The following DNA2 variants were observed in gnomAD, a reference collection of about 807,000 sequenced individuals.
DNA2 encodes the protein DNA replication ATP-dependent helicase/nuclease DNA2.
In DNA2, 101 loss-of-function variants were observed where a neutral mutation model predicts 119.1. That is an observed-to-expected ratio of 0.85 (90% CI 0.72 to 1.00). The LOEUF is 1.00. DNA2 is among the 50% of genes least tolerant of loss of function. The probability of loss-of-function intolerance (pLI) is 0.00; values close to 1 mark genes in which losing one functional copy is unlikely to be tolerated. For missense variants in DNA2, 1,121 were observed against 1,255.5 expected, an observed-to-expected ratio of 0.89 and a Z score of 1.62; for synonymous variants, 366 against 424.4, an observed-to-expected ratio of 0.86 and a Z score of 1.69.
chr10:68,456,293 GTAGTTA>G (rs1022922449), intron 5 of DNA2, among the ~76,000 whole-genome samples: 4 of 152,174 alleles, frequency 2.6e-5, no homozygotes, highest in African/African-American at 9.6e-5. Flanking sequence ...GGAGCCTGCT[GTAGTTA>G]TACAGCTAAA....
intron 4 of DNA2, among the ~76,000 whole-genome samples, chr10:68,464,375 T>A (rs1350342181): frequency 6.6e-6 from 1 of 151,120 alleles, no homozygotes; most frequent in Non-Finnish European, 1.5e-5. Context: ...ATTAGCCGGG[T>A]GTGGTGGCTC....
chr10:68,468,643 T>C (rs759010800), intron 2 of DNA2, among the ~76,000 whole-genome samples: 2 of 152,166 alleles, frequency 1.3e-5, no homozygotes, highest in Non-Finnish European at 2.9e-5. Flanking sequence ...CAATTATGAA[T>C]TGGGTTGTTT....
rs2052037339 is a variant in DNA2, at chr10:68,446,220, G to A, written c.1057+76C>T. 3.7e-5 allele frequency: 28 copies of A among 750,842 alleles called. No homozygotes were observed. The South Asian group carries it at 4.5e-4, about 12-fold the overall frequency. The allele number at this position is 750,842 out of a possible 1,614,324, so 46.5% of individuals were successfully genotyped here. On this transcript the variant is annotated intron_variant, in intron 7 of 20. Coordinates refer to ENST00000358410, the MANE Select transcript of DNA2 (RefSeq NM_001080449.3). ...ATTAAGTGCTGTGAGTAGATTGTCA[G>A]GTATAAATATGTATCACTAGAAGCT...
Position 68,422,906 on chromosome 10 carries a change from A to G in DNA2, c.2209-16T>C, listed in dbSNP as rs2051685466. 1 of 1,519,592 alleles carries G rather than the reference A, an allele frequency of 6.6e-7. No homozygotes were observed. The highest frequency in any genetic ancestry group is 2.3e-5 in the East Asian group (1 of 44,050). The allele number at this position is 1,519,592 out of a possible 1,614,324, so 94.1% of individuals were successfully genotyped here. A position where few individuals can be genotyped will look rare whatever the true frequency, so the allele number is the denominator to read the frequency against. Reference sequence around the variant, plus strand: ...CAACTATAAGCTAAAAACAAGGAAAACAGATCAGTTATTTAACATGTAAAA... The same window carrying G: ...CAACTATAAGCTAAAAACAAGGAAAGCAGATCAGTTATTTAACATGTAAAA... On this transcript the variant is annotated splice_polypyrimidine_tract_variant and intron_variant, in intron 14 of 20. Coordinates refer to ENST00000358410, the MANE Select transcript of DNA2 (RefSeq NM_001080449.3).
At chr10:68,458,721 G>A (rs886484825) in intron 5 of DNA2, among the ~76,000 whole-genome samples, 3 of 151,726 alleles carry the variant, frequency 2.0e-5, no homozygotes, top group Non-Finnish European at 4.4e-5. Flanking sequence ...GGTGGCAGGC[G>A]CCTGTAATCC....
At chr10:68,437,965 G>T (rs112942398) in intron 9 of DNA2, among the ~76,000 whole-genome samples, 24,154 of 151,980 alleles carry the variant, frequency 0.16, 2,373 homozygotes, top group East Asian at 0.38. Context: ...ACTGGCCTCA[G>T]CCTCCCAAAG....
chr10:68,417,391 C>CA (rs35777569), intron 19 of DNA2, among the ~76,000 whole-genome samples: 24,611 of 77,582 alleles, frequency 0.32, 4,132 homozygotes, highest in East Asian at 0.47. Flanking sequence ...ATAAGAAAAC[C>CA]AAAAAAAAAA....
At chr10:68,461,566 T>G (rs898418529) in intron 4 of DNA2, 1 of 152,128 alleles carries the variant, frequency 6.6e-6, no homozygotes, top group South Asian at 2.1e-4. Flanking sequence ...CTGTGGCTCA[T>G]GCCTGTAATC....
At position 68,448,082 on chromosome 10, in the gene DNA2, C is replaced by A. The variant is rs2052066497; in HGVS notation, c.940-1669G>T. ...TTCTATAGAGAATTTTCTTAGAAAG[C>A]AAATATTTAGATATCCAATAAATTG... On this transcript the variant is annotated intron_variant, in intron 6 of 20. Transcript: ENST00000358410. Among the ~76,000 whole-genome samples, 5 of 151,894 alleles carry A rather than the reference C, an allele frequency of 3.3e-5. No individual in the cohort carries two copies. In the South Asian group the frequency reaches 1.0e-3, roughly 32 times the overall value.
intron 6 of DNA2, 89 bp downstream of exon 6, chr10:68,449,939 T>G (rs2052095329): frequency 1.1e-6 from 1 of 947,996 alleles, no homozygotes; most frequent in Non-Finnish European, 1.5e-6. Context: ...ACGCCACTGC[T>G]CTCCAGCCTG....
chr10:68,457,534 G>T (rs960275491), intron 5 of DNA2, among the ~76,000 whole-genome samples: 1 of 152,032 alleles, frequency 6.6e-6, no homozygotes, highest in Admixed American at 6.6e-5. Flanking sequence ...ATTAATCACA[G>T]TCTGGTCCCC....
At chr10:68,470,317 G>A (rs1251974703) in intron 1 of DNA2, among the ~76,000 whole-genome samples, 154 bp from the exon 2 acceptor site, 4 of 152,180 alleles carry the variant, frequency 2.6e-5, no homozygotes, top group Admixed American at 6.6e-5. Flanking sequence ...GTAAAATTAA[G>A]AGAGCAAAGA....
At chr10:68,460,455 T>G (rs998873651) in intron 4 of DNA2, among the ~76,000 whole-genome samples, 2 of 151,542 alleles carry the variant, frequency 1.3e-5, no homozygotes, top group African/African-American at 4.8e-5. Context: ...TTCACTCTTG[T>G]TGCCCAGGCT....
intron 20 of DNA2, 94 bp from the exon 21 acceptor site, chr10:68,415,201 AC>A: frequency 1.4e-6 from 1 of 701,084 alleles, no homozygotes; most frequent in Admixed American, 2.9e-5. Context: ...GACTTACAGG[AC>A]CACAAAAAAA....
At chr10:68,424,933 C>T in intron 14 of DNA2, 1 of 684,292 alleles carries the variant, frequency 1.5e-6, no homozygotes. Flanking sequence ...AAAGCCAAGT[C>T]TCGACAAGTC....
intron 14 of DNA2, among the ~76,000 whole-genome samples, chr10:68,425,847 A>G (rs1160164440): frequency 6.6e-6 from 1 of 152,018 alleles, no homozygotes; most frequent in African/African-American, 2.4e-5. Flanking sequence ...CAAAAAACAA[A>G]TACCAGGCCA....
chr10:68,419,846 G>A lies in DNA2; in HGVS notation c.2744C>T (p.Thr915Ile). Residue 915 changes from threonine to isoleucine, a missense_variant, in exon 18 of 21, where the codon ACA becomes ATA. Transcript: ENST00000358410. ...TAGGAAAACTATGAGTTTGGCTTCT[G>A]TTACATTGCTCACACCACCTTTTTC... is the stretch of plus-strand genomic sequence containing the variant. ...QVEKGGVSNV[T>I]EAKLIVFLTS... The A allele has an allele frequency of 6.2e-7, 1 of 1,613,866 alleles. No homozygotes were observed. Among genetic ancestry groups the A allele is most frequent in the Non-Finnish European group, 8.5e-7 (1 of 1,179,850 alleles).
intron 4 of DNA2, among the ~76,000 whole-genome samples, chr10:68,460,550 G>A (rs1031051532): frequency 1.3e-5 from 2 of 150,972 alleles, no homozygotes; most frequent in African/African-American, 4.9e-5. Flanking sequence ...TGGAACCATA[G>A]ACATATGACA....
chr10:68,433,362 T>C (rs2051845944), intron 10 of DNA2, among the ~76,000 whole-genome samples: 1 of 152,162 alleles, frequency 6.6e-6, no homozygotes, highest in African/African-American at 2.4e-5. Context: ...CAATTTCCTC[T>C]AGCCTGGGTC....
Sources: allele counts gnomAD v4.1 joint callset (sites outside exome capture counted in the v4.1 genomes callset), GRCh38; gene constraint gnomAD v4.1.1; transcripts MANE v1.5; gene names NCBI Gene and HGNC (gene_info 2026-07-23, HGNC 2026-07-21).